The following CACNA1C variants were observed in gnomAD, a reference collection of about 807,000 sequenced individuals.
CACNA1C encodes voltage-dependent L-type calcium channel subunit alpha-1C.
In CACNA1C, 30 loss-of-function variants were observed where a neutral mutation model predicts 229.0. That is an observed-to-expected ratio of 0.13 (90% CI 0.10 to 0.18). The LOEUF is 0.18. Among genes scored for constraint, CACNA1C ranks in the 10% least tolerant of loss-of-function variants. CACNA1C has a pLI of 1.00. For missense variants in CACNA1C, 1,658 were observed against 2,845.0 expected (o/e 0.58, Z 9.49); for synonymous variants, 1,114 against 1,132.5 (o/e 0.98, Z 0.33).
chr12:2,504,288 C>G lies in CACNA1C; in HGVS notation c.1114-554C>G, dbSNP rs992772919. The G allele has an allele frequency of 6.7e-6, 4 of 598,188 alleles. No individual in the cohort carries two copies. The highest frequency in any genetic ancestry group is 1.2e-5 in the Non-Finnish European group (4 of 329,912). The allele number at this position is 598,188 out of a possible 1,614,324, so 37.1% of individuals were successfully genotyped here. A position where few individuals can be genotyped will look rare whatever the true frequency, so the allele number is the denominator to read the frequency against. ...GAGTTCCTTTGAACATGGGCGATGC[C>G]CTGGGTAACACGGGTAACCTGGTGC... On this transcript the variant is annotated intron_variant, in intron 7 of 46. Transcript: ENST00000399655. This position sits in a 1 kb window ranked among gnomAD's most constrained non-coding sequence, Gnocchi z 6.8.
rs114000334 is a variant in CACNA1C, at chr12:2,504,697, A to G, written c.1114-145A>G. ...AACCACAGATTCTGACCCATTGGCC[A>G]GGCAGGCTGTTTGGCCTCTGATTTG... On this transcript the variant is annotated intron_variant, in intron 7 of 46. Coordinates refer to ENST00000399655, the MANE Select transcript of CACNA1C (RefSeq NM_000719.7). This position sits in a 1 kb window ranked among gnomAD's most constrained non-coding sequence, Gnocchi z 6.8. The G allele has an allele frequency of 4.2e-3, 3,109 of 742,584 alleles. 79 individuals carry two copies. The African/African-American group carries it at 0.048, about 12-fold the overall frequency. 46.0% of individuals were successfully genotyped at this position (742,584 alleles called of 1,614,324 possible).
At chr12:2,277,350 GACAGACAGACAGAC>G (rs1413596366) in intron 3 of CACNA1C, among the ~76,000 whole-genome samples, 20 of 76,528 alleles carry the variant, frequency 2.6e-4, no homozygotes, top group East Asian at 8.3e-4. Context: ...CAGACAGACA[GACAGACAGACAGAC>G]ACACACACAC....
At chr12:1,976,349 T>C (rs1024473650) in intron 1 of CACNA1C, among the ~76,000 whole-genome samples, 1 of 152,232 alleles carries the variant, frequency 6.6e-6, no homozygotes, top group African/African-American at 2.4e-5. Flanking sequence ...GACCACATTA[T>C]GATTTTTAAA....
intron 1 of CACNA1C, among the ~76,000 whole-genome samples, chr12:2,045,502 C>T (rs1594297649): frequency 6.6e-6 from 1 of 152,158 alleles, no homozygotes; most frequent in East Asian, 1.9e-4. Context: ...AATTAAATAG[C>T]CGAGGGTGAT....
At chr12:2,085,580 C>T (rs147305785) in intron 1 of CACNA1C, among the ~76,000 whole-genome samples, 32 of 152,170 alleles carry the variant, frequency 2.1e-4, no homozygotes, top group African/African-American at 5.5e-4. Flanking sequence ...TTATAAATAC[C>T]CTTAGCTGTT....
chr12:2,211,644 G>A (rs1272879278), intron 3 of CACNA1C, among the ~76,000 whole-genome samples: 2 of 151,624 alleles, frequency 1.3e-5, no homozygotes, highest in Non-Finnish European at 2.9e-5. Flanking sequence ...GGGGGGACAT[G>A]AGCAGGGCTT....
intron 3 of CACNA1C, among the ~76,000 whole-genome samples, chr12:2,431,531 C>G (rs2099084933): frequency 6.6e-6 from 1 of 152,294 alleles, no homozygotes; most frequent in East Asian, 1.9e-4. Context: ...CAAATGTGCT[C>G]TGTGCTGAGA....
At chr12:2,448,856 G>T (rs1052231904) in intron 3 of CACNA1C, 120 bp from the exon 4 acceptor site, 1 of 796,014 alleles carries the variant, frequency 1.3e-6, no homozygotes, top group African/African-American at 1.7e-5. Context: ...TCCCCACTTG[G>T]TTCCACCACA....
At chr12:2,193,506 T>G (rs532357916) in intron 3 of CACNA1C, among the ~76,000 whole-genome samples, 2 of 152,210 alleles carry the variant, frequency 1.3e-5, no homozygotes, top group African/African-American at 4.8e-5. Flanking sequence ...ACTCCTTCCC[T>G]GTAGAGGCTG....
At chr12:2,634,556 CTT>C (rs57723819) in intron 30 of CACNA1C, among the ~76,000 whole-genome samples, 176 bp downstream of exon 30, 8 of 133,230 alleles carry the variant, frequency 6.0e-5, no homozygotes, top group Admixed American at 7.5e-5. Flanking sequence ...ATTTTGAAAT[CTT>C]TTTTTTTTTT....
chr12:2,510,523 T>TTAGA (rs2099781361), intron 8 of CACNA1C, among the ~76,000 whole-genome samples: 1 of 152,206 alleles, frequency 6.6e-6, no homozygotes, highest in Non-Finnish European at 1.5e-5. Flanking sequence ...AATGTTTATT[T>TTAGA]TAGATCCCCA....
chr12:2,635,394 T>C (rs1353394085), intron 30 of CACNA1C, among the ~76,000 whole-genome samples: 1 of 152,256 alleles, frequency 6.6e-6, no homozygotes, highest in Non-Finnish European at 1.5e-5. Flanking sequence ...TTTTTCGTTA[T>C]TATTTTTCCT....
At chr12:2,576,007 T>C (rs888019229) in intron 13 of CACNA1C, among the ~76,000 whole-genome samples, 1 of 151,802 alleles carries the variant, frequency 6.6e-6, no homozygotes, top group African/African-American at 2.4e-5. Context: ...GAACAGATGG[T>C]GGTAACTTAA....
At chr12:2,031,972 T>C (rs567219884) in intron 1 of CACNA1C, among the ~76,000 whole-genome samples, 2 of 137,408 alleles carry the variant, frequency 1.5e-5, no homozygotes, top group South Asian at 2.3e-4. Flanking sequence ...TCTTTCTGTG[T>C]GAGTGTGTGT....
chr12:2,618,312 C>T (rs1012826190), intron 29 of CACNA1C, among the ~76,000 whole-genome samples: 7 of 152,176 alleles, frequency 4.6e-5, no homozygotes, highest in Non-Finnish European at 1.0e-4. Context: ...CCCACCCAGG[C>T]CAGGGTGTCA....
chr12:2,337,341 C>T (rs565905838), intron 3 of CACNA1C, among the ~76,000 whole-genome samples: 174 of 152,308 alleles, frequency 1.1e-3, no homozygotes, highest in African/African-American at 4.0e-3. Flanking sequence ...TCCTTTCCTC[C>T]AGACTTAGAC....
intron 7 of CACNA1C, among the ~76,000 whole-genome samples, chr12:2,497,367 C>T (rs977038478): frequency 6.6e-6 from 1 of 152,200 alleles, no homozygotes; most frequent in African/African-American, 2.4e-5. Context: ...AACAGAATGA[C>T]ATGGCCACTG....
rs1434989772 is a variant in CACNA1C, at chr12:2,140,326, C to T, written c.477+19896C>T. On this transcript the variant is annotated intron_variant, in intron 3 of 46. Transcript: ENST00000399655. ...ATTTCTTTGGGATTGCAGACAAGGGCCTCCCAGTCACTTTTGGTTTGGTGT... is the reference window on the plus strand; with the variant it reads ...ATTTCTTTGGGATTGCAGACAAGGGTCTCCCAGTCACTTTTGGTTTGGTGT... Among the ~76,000 whole-genome samples, 2 of 151,454 alleles carry T rather than the reference C, an allele frequency of 1.3e-5. 1 individual carries two copies. Among genetic ancestry groups the T allele is most frequent in the Admixed American group, 1.3e-4 (2 of 15,092 alleles).
chr12:2,406,138 T>A (rs1375401222), intron 3 of CACNA1C, among the ~76,000 whole-genome samples: 2 of 152,208 alleles, frequency 1.3e-5, no homozygotes, highest in Non-Finnish European at 2.9e-5. Flanking sequence ...TTTGAATTAT[T>A]TTCCCCCCTG....
Sources: allele counts gnomAD v4.1 joint callset (sites outside exome capture counted in the v4.1 genomes callset), GRCh38; gene constraint gnomAD v4.1.1; non-coding constraint Gnocchi (gnomAD v3.1); transcripts MANE v1.5; gene names NCBI Gene and HGNC (gene_info 2026-07-23, HGNC 2026-07-21).